The following LRFN2 variants were observed in gnomAD, a reference collection of about 807,000 sequenced individuals.
LRFN2 encodes leucine-rich repeat and fibronectin type-III domain-containing protein 2.
Under a neutral mutation model 37.3 loss-of-function variants are expected in LRFN2, and 18 were observed. The ratio of observed to expected loss-of-function variants is 0.48; its 90% CI spans 0.33 to 0.72. LRFN2 has a LOEUF of 0.72. Among genes scored for constraint, LRFN2 ranks in the 30% least tolerant of loss-of-function variants. The pLI is 0.02. For missense variants in LRFN2, 1,006 were observed against 1,060.7 expected, an observed-to-expected ratio of 0.95 and a Z score of 0.72; for synonymous variants, 556 against 466.6, an observed-to-expected ratio of 1.19 and a Z score of -2.47.
intron 1 of LRFN2, among the ~76,000 whole-genome samples, chr6:40,474,642 A>G (rs762244608): frequency 8.5e-5 from 13 of 152,072 alleles, no homozygotes; most frequent in Admixed American, 4.6e-4. Context: ...GGGGTATGCC[A>G]CCACACCTGG....
intron 1 of LRFN2, among the ~76,000 whole-genome samples, chr6:40,489,762 G>T (rs1258249127): frequency 6.6e-6 from 1 of 152,110 alleles, no homozygotes; most frequent in Non-Finnish European, 1.5e-5. Context: ...ATGACAGAAA[G>T]GTGGAGAGTA....
intron 1 of LRFN2, among the ~76,000 whole-genome samples, chr6:40,558,538 G>T (rs1013528209): frequency 6.9e-6 from 1 of 145,142 alleles, no homozygotes; most frequent in Non-Finnish European, 1.5e-5. Context: ...ATCCCAGGAA[G>T]GTAAAGAAGA....
At chr6:40,462,791 G>T (rs553177641) in intron 1 of LRFN2, among the ~76,000 whole-genome samples, 1 of 152,210 alleles carries the variant, frequency 6.6e-6, no homozygotes, top group Non-Finnish European at 1.5e-5. Context: ...AGCCAGGTCA[G>T]TCTGGCCACA....
chr6:40,541,371 G>A (rs1260985410), intron 1 of LRFN2, among the ~76,000 whole-genome samples: 3 of 152,170 alleles, frequency 2.0e-5, no homozygotes, highest in Non-Finnish European at 4.4e-5. Flanking sequence ...TTCTGCACAA[G>A]GCACAGTGCA....
intron 1 of LRFN2, among the ~76,000 whole-genome samples, chr6:40,448,095 C>T (rs762883275): frequency 1.1e-4 from 16 of 152,148 alleles, no homozygotes; most frequent in Non-Finnish European, 1.8e-4. Flanking sequence ...TGTGAGAGAC[C>T]GGGAGCGTGG....
intron 2 of LRFN2, among the ~76,000 whole-genome samples, chr6:40,403,299 G>C (rs1762778102): frequency 1.4e-5 from 1 of 72,186 alleles, no homozygotes; most frequent in Non-Finnish European, 2.9e-5. Context: ...TAAGCACCAG[G>C]GCCTGAGTGA....
chr6:40,512,484 T>G (rs1765736671), intron 1 of LRFN2, among the ~76,000 whole-genome samples: 1 of 152,236 alleles, frequency 6.6e-6, no homozygotes, highest in Non-Finnish European at 1.5e-5. Context: ...AGCACACACC[T>G]ATTTCAGTAT....
chr6:40,573,731 A>G (rs1445112756), intron 1 of LRFN2, among the ~76,000 whole-genome samples: 1 of 152,192 alleles, frequency 6.6e-6, no homozygotes, highest in Non-Finnish European at 1.5e-5. Flanking sequence ...TAATCCCAGC[A>G]CTTTGGGAGG....
intron 1 of LRFN2, among the ~76,000 whole-genome samples, chr6:40,550,192 A>G (rs1766744887): frequency 6.6e-6 from 1 of 152,132 alleles, no homozygotes; most frequent in Admixed American, 6.6e-5. Flanking sequence ...CCTAGGAGGT[A>G]CAGCCCAATA....
In LRFN2 at chr6:40,556,716, GACACACACACAC is replaced by G. The variant is rs35308131; in HGVS notation, c.-19+30213_-19+30224del. 4.1e-5 allele frequency among the ~76,000 whole-genome samples: 5 copies of G among 120,942 alleles called. No homozygotes were observed. The East Asian group carries it at 9.4e-4, about 23-fold the overall frequency. The allele number at this position is 120,942 out of a possible 152,430, so 79.3% of individuals were successfully genotyped here. A position where few individuals can be genotyped will look rare whatever the true frequency, so the allele number is the denominator to read the frequency against. ...TGTTTCTCTCTCTCTTACCTACATAGACACACACACACACACACACACACACACACACACACG... is the reference window on the plus strand; with the variant it reads ...TGTTTCTCTCTCTCTTACCTACATAGACACACACACACACACACACACACG... On this transcript the variant is annotated intron_variant, in intron 1 of 2. Coordinates refer to ENST00000338305, the MANE Select transcript of LRFN2 (RefSeq NM_020737.3).
At chr6:40,487,979 G>A (rs1378342735) in intron 1 of LRFN2, among the ~76,000 whole-genome samples, 1 of 152,152 alleles carries the variant, frequency 6.6e-6, no homozygotes, top group Admixed American at 6.5e-5. Context: ...TAAGGGCTCA[G>A]CATAGCAGTC....
intron 1 of LRFN2, among the ~76,000 whole-genome samples, chr6:40,463,125 G>T (rs187170454): frequency 1.1e-3 from 163 of 152,358 alleles, no homozygotes; most frequent in African/African-American, 3.7e-3. Context: ...GGGAGTGAAA[G>T]ACATGCAGGG....
intron 1 of LRFN2, among the ~76,000 whole-genome samples, chr6:40,545,156 C>G (rs1574472): frequency 0.45 from 68,550 of 152,156 alleles, 16,447 homozygotes; most frequent in African/African-American, 0.61. Context: ...TAAGTGCCTA[C>G]CACATAATAA....
chr6:40,500,058 T>G (rs548921818), intron 1 of LRFN2, among the ~76,000 whole-genome samples: 129 of 152,344 alleles, frequency 8.5e-4, no homozygotes, highest in African/African-American at 3.0e-3. Flanking sequence ...TCCCTGCCTG[T>G]GGGATGGATG....
At chr6:40,520,929 G>A (rs1766045021) in intron 1 of LRFN2, among the ~76,000 whole-genome samples, 1 of 152,120 alleles carries the variant, frequency 6.6e-6, no homozygotes, top group African/African-American at 2.4e-5. Context: ...TCTGTCCCAG[G>A]CAAGCTGAGA....
At chr6:40,566,177 A>G (rs1380291172) in intron 1 of LRFN2, among the ~76,000 whole-genome samples, 4 of 152,240 alleles carry the variant, frequency 2.6e-5, no homozygotes, top group Non-Finnish European at 5.9e-5. Context: ...AATCAAAACC[A>G]CAACGAGATA....
intron 1 of LRFN2, among the ~76,000 whole-genome samples, chr6:40,515,019 G>A (rs1028291065): frequency 6.6e-6 from 1 of 152,230 alleles, no homozygotes; most frequent in Non-Finnish European, 1.5e-5. Context: ...GGTGAACGCA[G>A]CAGTCCTGGT....
intron 1 of LRFN2, among the ~76,000 whole-genome samples, chr6:40,495,202 C>T (rs1765197567): frequency 6.6e-6 from 1 of 152,206 alleles, no homozygotes. Context: ...CACCAGACAA[C>T]AGCTTTGATA....
At chr6:40,451,283 A>G (rs1393732623) in intron 1 of LRFN2, among the ~76,000 whole-genome samples, 1 of 152,132 alleles carries the variant, frequency 6.6e-6, no homozygotes, top group Non-Finnish European at 1.5e-5. Flanking sequence ...TTCCTATTCC[A>G]CAAGCTGGCA....
Sources: gnomAD v4.1 joint callset for allele counts (sites outside exome capture counted in the v4.1 genomes callset) on GRCh38, gnomAD v4.1.1 for gene constraint, MANE v1.5 for transcripts, NCBI Gene and HGNC (gene_info 2026-07-23, HGNC 2026-07-21) for gene names.